MYO3A: variants seen among roughly 807,000 people sequenced by gnomAD.
The protein encoded by MYO3A is myosin-IIIa.
In MYO3A, 180 loss-of-function variants were observed where a neutral mutation model predicts 192.7. The ratio of observed to expected loss-of-function variants is 0.93; its 90% confidence interval spans 0.83 to 1.06. The LOEUF is 1.06. MYO3A is among the 50% of genes least tolerant of loss of function. The pLI, the probability that MYO3A is intolerant of heterozygous loss-of-function variation, is 0.00. For synonymous variants in MYO3A, 628 were observed against 645.3 expected, an observed-to-expected ratio of 0.97 and a Z score of 0.41; for missense variants, 1,896 against 1,905.0, an observed-to-expected ratio of 1.00 and a Z score of 0.09.
chr10:26,091,912 G>C (rs1207299337), intron 15 of MYO3A, among the ~76,000 whole-genome samples: 1 of 152,206 alleles, frequency 6.6e-6, no homozygotes, highest in African/African-American at 2.4e-5. Context: ...CTAGGCACAG[G>C]AGACATAAAG....
chr10:26,049,650 A>ATTCTTTCTTTCT (rs751350009), intron 10 of MYO3A, among the ~76,000 whole-genome samples: 2 of 116,298 alleles, frequency 1.7e-5, no homozygotes, highest in African/African-American at 6.2e-5. Flanking sequence ...CAAAGATGAA[A>ATTCTTTCTTTCT]TTCTTTCTTT....
At chr10:26,201,440 G>A in intron 33 of MYO3A, 135 bp downstream of exon 33, 1 of 478,176 alleles carries the variant, frequency 2.1e-6, no homozygotes, top group Non-Finnish European at 3.7e-6. Context: ...CAGAACTTTG[G>A]GAGGCCGAGG....
chr10:25,994,809 C>A (rs1298911779), intron 4 of MYO3A, among the ~76,000 whole-genome samples: 5 of 152,136 alleles, frequency 3.3e-5, no homozygotes, highest in East Asian at 1.9e-4. Context: ...GTTGAAAATT[C>A]TTTTCTTTAA....
chr10:26,198,298 C>G (rs548032353), intron 32 of MYO3A, among the ~76,000 whole-genome samples: 4 of 152,114 alleles, frequency 2.6e-5, no homozygotes, highest in Non-Finnish European at 4.4e-5. Context: ...TGAGCCAAGC[C>G]GCAGAAGCGT....
chr10:26,036,186 G>A (rs552177340), intron 10 of MYO3A, among the ~76,000 whole-genome samples: 26 of 151,868 alleles, frequency 1.7e-4, no homozygotes, highest in African/African-American at 3.4e-4. Context: ...TGATCTGCCC[G>A]CCTCGACCTC....
chr10:26,094,532 C>T (rs1216239651), intron 15 of MYO3A, among the ~76,000 whole-genome samples: 3 of 141,868 alleles, frequency 2.1e-5, no homozygotes, highest in Non-Finnish European at 1.5e-5. Flanking sequence ...TCATGCCATT[C>T]TCCTGCCTCA....
At chr10:26,126,666 C>A (rs1839237019) in intron 19 of MYO3A, among the ~76,000 whole-genome samples, 1 of 152,006 alleles carries the variant, frequency 6.6e-6, no homozygotes, top group Non-Finnish European at 1.5e-5. Flanking sequence ...TCTGTATATT[C>A]CAGAAAATGT....
At position 25,947,394 on chromosome 10, in the gene MYO3A, T is replaced by TC. The variant is rs1235415978; in HGVS notation, c.-17-4700_-17-4699insC. 4.2e-3 allele frequency among the ~76,000 whole-genome samples: 601 copies of TC among 144,332 alleles called. 2 individuals are homozygous for TC. The highest frequency in any genetic ancestry group is 0.015 in the African/African-American group (569 of 39,084). 94.7% of individuals were successfully genotyped at this position (144,332 alleles called of 152,430 possible). A position where few individuals can be genotyped will look rare whatever the true frequency, so the allele number is the denominator to read the frequency against. ...GTATTATTTCTTTTCTTTTTCTTTT[T>TC]TTTTTTTTTTTTTTTTGAGACAGAG... On this transcript the variant is annotated intron_variant, in intron 2 of 34. Coordinates refer to ENST00000642920, the MANE Select transcript of MYO3A (RefSeq NM_017433.5).
chr10:25,990,363 G>A (rs1040701931), intron 4 of MYO3A, among the ~76,000 whole-genome samples: 3 of 151,946 alleles, frequency 2.0e-5, no homozygotes, highest in African/African-American at 7.3e-5. Context: ...GTATATAACT[G>A]TTTTGAGGTG....
intron 6 of MYO3A, among the ~76,000 whole-genome samples, chr10:26,015,868 A>G (rs952423833): frequency 6.6e-6 from 1 of 152,276 alleles, no homozygotes; most frequent in African/African-American, 2.4e-5. Flanking sequence ...AATAAAATAT[A>G]TTTCCATTTT....
chr10:26,113,121 T>G (rs921562813), intron 17 of MYO3A, among the ~76,000 whole-genome samples: 1 of 152,202 alleles, frequency 6.6e-6, no homozygotes, highest in Non-Finnish European at 1.5e-5. Flanking sequence ...AAATTAAATA[T>G]TTTAAAGCAT....
chr10:26,098,466 T>C (rs996962458), intron 17 of MYO3A, among the ~76,000 whole-genome samples: 1 of 152,210 alleles, frequency 6.6e-6, no homozygotes, highest in African/African-American at 2.4e-5. Flanking sequence ...TTTTGGTGTT[T>C]TAGACATGAA....
chr10:26,094,796 G>A (rs148851957), intron 15 of MYO3A, among the ~76,000 whole-genome samples: 250 of 152,222 alleles, frequency 1.6e-3, no homozygotes, highest in African/African-American at 5.9e-3. Flanking sequence ...TAATATACAG[G>A]GGGAGAAGAC....
At position 26,166,151 on chromosome 10, in the gene MYO3A, C is replaced by T. The variant is rs527914618; in HGVS notation, c.3084C>T (p.Leu1028=). Residue 1028 remains leucine (L), a synonymous_variant, in exon 27 of 35, where the codon CTC becomes CTT. Coordinates refer to ENST00000642920, the MANE Select transcript of MYO3A (RefSeq NM_017433.5). The part of the protein sequence containing the change: ...TCATILEKAG[L]DNWALGKTKV... ...CCACCATTTTGGAAAAAGCTGGTCT[C>T]GATAACTGGGCTCTTGGAAAAACAA... 4.4e-5 allele frequency: 71 copies of T among 1,613,820 alleles called. 1 individual carries two copies. In the South Asian group the frequency reaches 7.2e-4, roughly 16 times the overall value.
intron 32 of MYO3A, chr10:26,201,019 A>T (rs948371923): frequency 3.4e-5 from 7 of 207,576 alleles, no homozygotes; most frequent in Non-Finnish European, 4.9e-5. Context: ...TGTGGGAAAT[A>T]CATTTTTCAT....
intron 18 of MYO3A, among the ~76,000 whole-genome samples, chr10:26,124,504 A>C (rs1839081769): frequency 6.6e-6 from 1 of 152,216 alleles, no homozygotes; most frequent in South Asian, 2.1e-4. Context: ...TTAACTTAGA[A>C]GGTAAAATTT....
At chr10:26,202,314 C>T (rs898411828) in intron 33 of MYO3A, among the ~76,000 whole-genome samples, 1 of 152,166 alleles carries the variant, frequency 6.6e-6, no homozygotes, top group Non-Finnish European at 1.5e-5. Context: ...AGCATTGTAA[C>T]ACCTGGAGAT....
intron 18 of MYO3A, among the ~76,000 whole-genome samples, chr10:26,121,989 T>C (rs570787535): frequency 6.6e-6 from 1 of 152,296 alleles, no homozygotes; most frequent in East Asian, 1.9e-4. Context: ...GACCGGCATG[T>C]GCCTGGAAAC....
chr10:26,170,007 C>T (rs1841968324), intron 28 of MYO3A, among the ~76,000 whole-genome samples: 1 of 152,166 alleles, frequency 6.6e-6, no homozygotes, highest in South Asian at 2.1e-4. Context: ...TCTGTATTAA[C>T]TTTCTAAAAC....
Sources: allele counts gnomAD v4.1 joint callset (sites outside exome capture counted in the v4.1 genomes callset), GRCh38; gene constraint gnomAD v4.1.1; transcripts MANE v1.5; gene names NCBI Gene and HGNC (gene_info 2026-07-23, HGNC 2026-07-21).